Variants in SAMSN1 observed in about 807,000 individuals in gnomAD.
SAMSN1 encodes the protein SAM domain, SH3 domain and nuclear localization signals 1.
In SAMSN1, 31 loss-of-function variants were observed where a neutral mutation model predicts 42.0. The ratio of observed to expected loss-of-function variants is 0.74; its 90% CI spans 0.55 to 1.00. SAMSN1 has a LOEUF of 1.00. Ranked by LOEUF, SAMSN1 falls within the 50% of genes least tolerant of loss-of-function variation. The pLI is 0.00. For missense variants in SAMSN1, 464 were observed against 439.4 expected, an observed-to-expected ratio of 1.06 and a Z score of -0.50; for synonymous variants, 178 against 151.9, an observed-to-expected ratio of 1.17 and a Z score of -1.26.
At chr21:14,582,068 A>G in intron 2 of SAMSN1, 3 of 1,359,122 alleles carry the variant, frequency 2.2e-6, no homozygotes, top group South Asian at 1.6e-5. Flanking sequence ...CACTTTTGCT[A>G]TCTGTTTCTT....
chr21:14,524,563 C>A (rs1233997611), intron 1 of SAMSN1, among the ~76,000 whole-genome samples: 1 of 152,112 alleles, frequency 6.6e-6, no homozygotes, highest in Non-Finnish European at 1.5e-5. Flanking sequence ...CAATATCTAG[C>A]AAAATTACAT....
upstream of SAMSN1, chr21:14,583,677 C>T (rs535713985): frequency 1.4e-6 from 1 of 717,452 alleles, no homozygotes; most frequent in Non-Finnish European, 2.6e-6. Context: ...GGTTTCACCT[C>T]ATCCAGATTC....
At chr21:14,628,077 A>G (rs540132007) in intron 2 of SAMSN1, among the ~76,000 whole-genome samples, 7 of 152,314 alleles carry the variant, frequency 4.6e-5, no homozygotes, top group African/African-American at 1.7e-4. Flanking sequence ...TTTCTGCAAT[A>G]AGACTTAAAA....
At chr21:14,524,432 T>C (rs1978699769) in intron 1 of SAMSN1, among the ~76,000 whole-genome samples, 1 of 152,182 alleles carries the variant, frequency 6.6e-6, no homozygotes, top group Non-Finnish European at 1.5e-5. Context: ...GATAATTCTT[T>C]GTGTCTGTTG....
intron 2 of SAMSN1, among the ~76,000 whole-genome samples, chr21:14,581,892 C>T (rs910975997): frequency 6.6e-6 from 1 of 152,096 alleles, no homozygotes; most frequent in Non-Finnish European, 1.5e-5. Context: ...AGTCTTCCTT[C>T]AATCAAAAAG....
chr21:14,613,046 T>G (rs1982749749), intron 3 of SAMSN1: 1 of 494,142 alleles, frequency 2.0e-6, no homozygotes, highest in African/African-American at 1.9e-5. Flanking sequence ...CTACCTATGG[T>G]CTTGAATTTT....
At chr21:14,588,798 C>A (rs1454152356) in intron 7 of SAMSN1, among the ~76,000 whole-genome samples, 1 of 152,106 alleles carries the variant, frequency 6.6e-6, no homozygotes, top group Non-Finnish European at 1.5e-5. Flanking sequence ...TTTTCTCCAT[C>A]TCTATTGTTA....
chr21:14,610,743 C>T (rs182534659), intron 4 of SAMSN1, among the ~76,000 whole-genome samples: 40 of 152,232 alleles, frequency 2.6e-4, no homozygotes, highest in Admixed American at 5.9e-4. Context: ...TTATCGGTGG[C>T]GGGTTCCCCC....
chr21:14,509,947 G>A (rs1310605789), intron 5 of SAMSN1, among the ~76,000 whole-genome samples: 2 of 152,058 alleles, frequency 1.3e-5, no homozygotes, highest in Non-Finnish European at 2.9e-5. Flanking sequence ...AGACCATCCT[G>A]GCTAACACGG....
intron 2 of SAMSN1, among the ~76,000 whole-genome samples, chr21:14,552,905 C>T (rs1323888121): frequency 6.6e-6 from 1 of 151,892 alleles, no homozygotes; most frequent in Non-Finnish European, 1.5e-5. Context: ...TTGTTCTTTT[C>T]TATATTTCTA....
chr21:14,651,879 G>A (rs557317806), intron 1 of SAMSN1, among the ~76,000 whole-genome samples: 1 of 151,760 alleles, frequency 6.6e-6, no homozygotes, highest in East Asian at 1.9e-4. Flanking sequence ...ATGAGAACAG[G>A]CAACAATATA....
intron 2 of SAMSN1, among the ~76,000 whole-genome samples, chr21:14,624,353 A>G (rs941743529): frequency 1.3e-5 from 2 of 152,180 alleles, no homozygotes; most frequent in Non-Finnish European, 2.9e-5. Flanking sequence ...TTTTTTGAAA[A>G]GATCAACAAA....
rs959127324 is a variant in SAMSN1 at position 14,626,603 on chromosome 21, T to C, written c.157-10587A>G. Among the ~76,000 whole-genome samples the C allele has an allele frequency of 1.5e-3, 224 of 152,136 alleles. 1 individual carries two copies. Among genetic ancestry groups the C allele is most frequent in the African/African-American group, 4.9e-3 (202 of 41,480 alleles). On this transcript the variant is annotated intron_variant, in intron 2 of 15. Transcript: ENST00000647101. ...TACCATCTCACACCAGTTAGAATGG[T>C]GATCATTAAAAAGTCAGGAAACAAC...
intron 1 of SAMSN1, among the ~76,000 whole-genome samples, chr21:14,582,842 T>C (rs1981792733): frequency 6.6e-6 from 1 of 151,302 alleles, no homozygotes; most frequent in Non-Finnish European, 1.5e-5. Context: ...TTAAATATTT[T>C]TTTAATTTTT....
intron 1 of SAMSN1, among the ~76,000 whole-genome samples, chr21:14,649,889 T>G (rs1321253209): frequency 6.6e-6 from 1 of 151,014 alleles, no homozygotes; most frequent in Admixed American, 6.6e-5. Flanking sequence ...CAGAAGTCAC[T>G]AAACTTATAT....
intron 3 of SAMSN1, among the ~76,000 whole-genome samples, chr21:14,615,359 T>G (rs190371004): frequency 7.0e-4 from 106 of 152,028 alleles, no homozygotes; most frequent in African/African-American, 2.5e-3. Flanking sequence ...ACAAGAGCTT[T>G]TGAGAAAGAG....
chr21:14,582,680 G>GT (rs1457787516), intron 1 of SAMSN1, among the ~76,000 whole-genome samples: 1 of 151,820 alleles, frequency 6.6e-6, no homozygotes, highest in African/African-American at 2.4e-5. Context: ...TTTTTGTTTT[G>GT]TAAAAGTCGC....
intron 2 of SAMSN1, among the ~76,000 whole-genome samples, chr21:14,622,456 C>T (rs554729765): frequency 1.1e-3 from 167 of 152,296 alleles, no homozygotes; most frequent in African/African-American, 3.8e-3. Context: ...AACCATGGTA[C>T]AAGAACTACG....
chr21:14,630,790 T>C (rs1263500891), intron 2 of SAMSN1, among the ~76,000 whole-genome samples: 1 of 152,210 alleles, frequency 6.6e-6, no homozygotes, highest in Non-Finnish European at 1.5e-5. Flanking sequence ...GATGAAGACC[T>C]AGCTGATGGA....
Sources: gnomAD v4.1 joint callset for allele counts (sites outside exome capture counted in the v4.1 genomes callset) on GRCh38, gnomAD v4.1.1 for gene constraint, MANE v1.5 for transcripts, NCBI Gene and HGNC (gene_info 2026-07-23, HGNC 2026-07-21) for gene names.